The following DMD variants were observed in gnomAD, a reference collection of about 807,000 sequenced individuals.
DMD encodes the protein mutant dystrophin.
In DMD, 63 loss-of-function variants were observed where a neutral mutation model predicts 330.1. The ratio of observed to expected loss-of-function variants is 0.19; its 90% CI spans 0.16 to 0.24. The LOEUF (loss-of-function observed/expected upper bound fraction) is 0.24, where lower values mean the gene tolerates loss of function less well. DMD is among the 10% of genes least tolerant of loss of function. The probability of loss-of-function intolerance (pLI) is 1.00; values close to 1 mark genes in which losing one functional copy is unlikely to be tolerated. For missense variants in DMD, 3,344 were observed against 2,684.1 expected (o/e 1.25, Z -5.43); for synonymous variants, 1,223 against 959.8 (o/e 1.27, Z -5.07).
At chrX:31,398,130 C>T (rs182215398) in intron 60 of DMD, among the ~76,000 whole-genome samples, 85 of 112,154 alleles carry the variant, frequency 7.6e-4, no homozygotes, top group African/African-American at 2.4e-3. Context: ...CACTACAACC[C>T]TATGAAAAAA....
chrX:32,301,678 A>C (rs746240448), intron 42 of DMD, among the ~76,000 whole-genome samples: 2 of 111,225 alleles, frequency 1.8e-5, no homozygotes, highest in Non-Finnish European at 3.8e-5. Flanking sequence ...AAAAATAAAC[A>C]ACAAAAGCAA....
At chrX:32,112,858 T>C (rs1204686610) in intron 44 of DMD, among the ~76,000 whole-genome samples, 1 of 111,447 alleles carries the variant, frequency 9.0e-6, no homozygotes, top group Non-Finnish European at 1.9e-5. Context: ...CCTCTCTCCC[T>C]CCCATAATGG....
chrX:32,132,179 A>T (rs1467609491), intron 44 of DMD, among the ~76,000 whole-genome samples: 1 of 112,016 alleles, frequency 8.9e-6, no homozygotes, highest in Non-Finnish European at 1.9e-5. Flanking sequence ...TATAAGGTCA[A>T]TTTGTTTTGA....
At chrX:32,626,071 T>G (rs1417147305) in intron 11 of DMD, among the ~76,000 whole-genome samples, 1 of 112,396 alleles carries the variant, frequency 8.9e-6, no homozygotes, top group Non-Finnish European at 1.9e-5. Context: ...CCAGTACAAA[T>G]TAGAGAAACT....
chrX:31,335,800 G>A (rs951796490), intron 61 of DMD, among the ~76,000 whole-genome samples: 3 of 111,972 alleles, frequency 2.7e-5, no homozygotes, highest in Admixed American at 9.4e-5. Flanking sequence ...CTCACAGATT[G>A]GCTTCCTCCA....
chrX:32,204,491 G>C (rs748488046), intron 44 of DMD, among the ~76,000 whole-genome samples: 2 of 111,715 alleles, frequency 1.8e-5, no homozygotes, highest in South Asian at 7.5e-4. Flanking sequence ...AAAAGTATTA[G>C]TTTTCTGAAC....
chrX:32,300,245 A>G (rs73619052), intron 42 of DMD, among the ~76,000 whole-genome samples: 160 of 111,756 alleles, frequency 1.4e-3, no homozygotes, highest in African/African-American at 4.9e-3. Flanking sequence ...TTGTAGATAG[A>G]TATTCAGGTA....
chrX:31,130,913 G>A (rs1345788852), intron 77 of DMD, among the ~76,000 whole-genome samples: 1 of 111,767 alleles, frequency 8.9e-6, no homozygotes. Context: ...TTTTAAAAAC[G>A]GCTTTTCCTC....
At chrX:32,737,593 T>A (rs1380510143) in intron 7 of DMD, among the ~76,000 whole-genome samples, 1 of 111,655 alleles carries the variant, frequency 9.0e-6, no homozygotes, top group East Asian at 2.8e-4. Context: ...AATGATGCAT[T>A]GGAAACTTGG....
intron 55 of DMD, among the ~76,000 whole-genome samples, chrX:31,571,254 GGT>G (rs371098859): frequency 0.013 from 1,147 of 90,281 alleles, 3 homozygotes; most frequent in East Asian, 0.033. Context: ...GATTTAAAGG[GGT>G]GTGTGTGTGT....
chrX:32,367,391 C>T (rs778355898), intron 34 of DMD, among the ~76,000 whole-genome samples: 119 of 112,215 alleles, frequency 1.1e-3, no homozygotes, highest in Non-Finnish European at 1.9e-3. Flanking sequence ...TGGCATCTCG[C>T]TGTAGTTGAT....
rs868462553 is a variant in DMD, at chrX:32,205,002, C to T, written c.6438+11914G>A. On this transcript the variant is annotated intron_variant, in intron 44 of 78. Coordinates refer to ENST00000357033, the MANE Select transcript of DMD (RefSeq NM_004006.3). ...TCTCTCTCTCTCTCTCTCTCTCTCT[C>T]TCTCACATACACACACACACACACA... is the stretch of plus-strand genomic sequence containing the variant. 4.5e-3 allele frequency among the ~76,000 whole-genome samples: 205 copies of T among 45,969 alleles called. 2 individuals carry two copies. The highest frequency in any genetic ancestry group is 0.016 in the African/African-American group (158 of 9,943). 39.9% of individuals were successfully genotyped at this position (45,969 alleles called of 115,157 possible).
At chrX:31,369,803 T>A (rs1409993195) in intron 60 of DMD, among the ~76,000 whole-genome samples, 1 of 111,490 alleles carries the variant, frequency 9.0e-6, no homozygotes, top group Non-Finnish European at 1.9e-5. Context: ...AACATCCATA[T>A]GCAAAAAATA....
At chrX:32,206,187 C>G in intron 44 of DMD, 3 of 509,315 alleles carry the variant, frequency 5.9e-6, no homozygotes, top group South Asian at 4.5e-5. Context: ...AGTGGTCTTA[C>G]GGTTGAAGTG....
chrX:31,685,646 G>A (rs752857246), intron 52 of DMD, among the ~76,000 whole-genome samples: 3 of 112,276 alleles, frequency 2.7e-5, no homozygotes, highest in Non-Finnish European at 5.6e-5. Context: ...TCTATCTGCC[G>A]TTGGCACTCA....
intron 7 of DMD, among the ~76,000 whole-genome samples, chrX:32,732,307 G>C (rs1389262486): frequency 1.8e-4 from 20 of 111,231 alleles, no homozygotes; most frequent in South Asian, 3.9e-4. Flanking sequence ...GAAAGTGATG[G>C]GGAGAATGGA....
At chrX:32,737,297 C>G (rs1330703614) in intron 7 of DMD, among the ~76,000 whole-genome samples, 1 of 110,765 alleles carries the variant, frequency 9.0e-6, no homozygotes, top group Non-Finnish European at 1.9e-5. Context: ...TCCATTTTAC[C>G]TTGAACACAA....
intron 63 of DMD, among the ~76,000 whole-genome samples, chrX:31,253,747 C>T (rs761628551): frequency 1.8e-5 from 2 of 111,879 alleles, no homozygotes; most frequent in African/African-American, 3.2e-5. Flanking sequence ...AACCTCAGGC[C>T]CAGCAGACCC....
chrX:33,070,730 T>A (rs1243369688), intron 1 of DMD, among the ~76,000 whole-genome samples: 2 of 96,677 alleles, frequency 2.1e-5, no homozygotes, highest in Non-Finnish European at 4.1e-5. Context: ...TATATCAATA[T>A]TGATAATGTT....
Sources: gnomAD v4.1 joint callset for allele counts (sites outside exome capture counted in the v4.1 genomes callset) on GRCh38, gnomAD v4.1.1 for gene constraint, MANE v1.5 for transcripts, NCBI Gene and HGNC (gene_info 2026-07-23, HGNC 2026-07-21) for gene names.